Variants in NDUFA10 observed in about 807,000 individuals in gnomAD.
The protein encoded by NDUFA10 is NADH:ubiquinone oxidoreductase subunit A10, also known as NADH dehydrogenase [ubiquinone] 1 alpha subcomplex subunit 10, mitochondrial.
In NDUFA10, 40 loss-of-function variants were observed where a neutral mutation model predicts 47.8. That is an observed-to-expected ratio of 0.84 (90% CI 0.65 to 1.09). The LOEUF is 1.09. NDUFA10 is among the 50% of genes least tolerant of loss of function. The pLI is 0.00. For missense variants in NDUFA10, 413 were observed against 451.1 expected, an observed-to-expected ratio of 0.92 and a Z score of 0.76; for synonymous variants, 183 against 172.2, an observed-to-expected ratio of 1.06 and a Z score of -0.49.
chr2:240,002,531 T>A (rs1343020499), intron 8 of NDUFA10, among the ~76,000 whole-genome samples: 1 of 152,030 alleles, frequency 6.6e-6, no homozygotes, highest in Admixed American at 6.5e-5. Context: ...ATTTGTTTTT[T>A]CCTTCAATAC....
At chr2:239,915,332 A>AG (rs1289947844) in intron 4 of NDUFA10, among the ~76,000 whole-genome samples, 2 of 133,890 alleles carry the variant, frequency 1.5e-5, no homozygotes, top group African/African-American at 2.9e-5. Flanking sequence ...ACACACAGAG[A>AG]ACGAAGACAT....
chr2:240,018,443 T>G, intron 4 of NDUFA10, 110 bp downstream of exon 4: 7 of 1,596,480 alleles, frequency 4.4e-6, no homozygotes, highest in Non-Finnish European at 6.0e-6. Context: ...ATGGCATTTA[T>G]TCATCTATCT....
chr2:239,941,388 C>T lies in NDUFA10; in HGVS notation c.295-46074G>A, dbSNP rs143726853. 1.0e-3 allele frequency among the ~76,000 whole-genome samples: 156 copies of T among 152,234 alleles called. No individual in the cohort carries two copies. The South Asian group carries it at 0.011, about 11-fold the overall frequency. On this transcript the variant is annotated intron_variant, in intron 4 of 5. Coordinates refer to the NDUFA10 transcript ENST00000419408. ...TGAATGCACCGGGGGCACAGAACTG[C>T]GGCTGTTCCACCCTCGGTGTCAGAG...
Position 239,987,769 on chromosome 2 carries a change from G to C in NDUFA10, c.999+2305C>G, listed in dbSNP as rs527293564. ...AGGCAGAGCTGCCGAGCACAGCTCC[G>C]AACAGTCGCAGATGCCTGTGGGACT... On this transcript the variant is annotated intron_variant, in intron 9 of 9. Coordinates refer to ENST00000252711, the MANE Select transcript of NDUFA10 (RefSeq NM_004544.4). This position sits in a 1 kb window ranked among gnomAD's most constrained non-coding sequence, Gnocchi z 4.8. Among the ~76,000 whole-genome samples, 6 of 152,204 alleles carry C rather than the reference G, an allele frequency of 3.9e-5. No individual in the cohort carries two copies. Among genetic ancestry groups the C allele is most frequent in the Non-Finnish European group, 5.9e-5 (4 of 68,042 alleles).
chr2:239,894,334 C>A, intron 5 of NDUFA10, among the ~76,000 whole-genome samples: 1 of 151,600 alleles, frequency 6.6e-6, no homozygotes, highest in Admixed American at 6.6e-5. Flanking sequence ...TGCCTCCTGT[C>A]CTCAGCTGCA....
intron 4 of NDUFA10, among the ~76,000 whole-genome samples, chr2:239,922,442 C>G (rs74002005): frequency 0.13 from 20,093 of 152,260 alleles, 1,369 homozygotes; most frequent in South Asian, 0.15. Flanking sequence ...AGACCATGCC[C>G]TACCTCCACC....
chr2:239,953,108 G>C (rs116710668), downstream of NDUFA10, among the ~76,000 whole-genome samples: 1 of 152,218 alleles, frequency 6.6e-6, no homozygotes, highest in African/African-American at 2.4e-5. Flanking sequence ...TGGGACCTCG[G>C]GTGGCAAAGG....
chr2:240,014,813 G>C lies in NDUFA10; in HGVS notation c.595C>G (p.Leu199Val). The change falls in exon 5 of 10, where the codon CTG becomes GTG. Residue 199 changes from leucine (L) to valine (V), a missense_variant. By Grantham distance (32) the Leu-to-Val change is conservative. Transcript: ENST00000252711. Reference sequence around the variant, plus strand: ...ATGTAAATCACCAGGTGGGGGGGCAGGTAATCGCAGATGGTGACGCTCTTC... The same window carrying C: ...ATGTAAATCACCAGGTGGGGGGGCACGTAATCGCAGATGGTGACGCTCTTC... ...EVKSVTICDYLPPHLVIYIDV... is the reference protein window; with the variant it reads ...EVKSVTICDYVPPHLVIYIDV... The C allele has an allele frequency of 6.2e-7, 1 of 1,614,202 alleles. No homozygotes were observed. Among genetic ancestry groups the C allele is most frequent in the South Asian group, 1.1e-5 (1 of 91,086 alleles).
At chr2:239,977,784 C>T (rs551216685) in intron 9 of NDUFA10, among the ~76,000 whole-genome samples, 40 of 152,368 alleles carry the variant, frequency 2.6e-4, no homozygotes, top group African/African-American at 9.1e-4. Context: ...GAATGAGATG[C>T]TTCAATGACA....
In NDUFA10 at chr2:239,933,987, A is replaced by T. The variant is rs368314703; in HGVS notation, c.295-38673T>A. Among the ~76,000 whole-genome samples the T allele has an allele frequency of 5.3e-5, 8 of 152,136 alleles. No homozygotes were observed. In the South Asian group the frequency reaches 1.2e-3, roughly 24 times the overall value. The stretch of plus-strand genomic sequence containing the variant: ...ATCCTCCTGCCTTTGCCTCTAGAGT[A>T]GCTGGGACTACAGGTGCACACTGCC... On this transcript the variant is annotated intron_variant, in intron 4 of 5. Transcript: ENST00000419408.
intron 8 of NDUFA10, among the ~76,000 whole-genome samples, chr2:240,003,356 C>T (rs1310615576): frequency 1.3e-5 from 2 of 152,190 alleles, no homozygotes; most frequent in African/African-American, 2.4e-5. Flanking sequence ...GCACCAACTT[C>T]CTAATTTACA....
At chr2:239,991,672 C>T (rs1345753246) in intron 8 of NDUFA10, among the ~76,000 whole-genome samples, 1 of 152,154 alleles carries the variant, frequency 6.6e-6, no homozygotes, top group African/African-American at 2.4e-5. Flanking sequence ...CAATAATCTA[C>T]AAGTACGTAT....
chr2:239,953,765 G>A (rs185914082), downstream of NDUFA10, among the ~76,000 whole-genome samples: 1 of 152,374 alleles, frequency 6.6e-6, no homozygotes, highest in Non-Finnish European at 1.5e-5. Context: ...AAAGGCTGGA[G>A]GCTTCAAGGC....
chr2:239,940,624 T>C (rs1263580546), intron 4 of NDUFA10, among the ~76,000 whole-genome samples: 2 of 152,184 alleles, frequency 1.3e-5, no homozygotes, highest in African/African-American at 4.8e-5. Flanking sequence ...CATAGAAATA[T>C]AAAAAGGAAC....
At chr2:239,895,558 C>G (rs1366102746) in intron 4 of NDUFA10, among the ~76,000 whole-genome samples, 3 of 152,180 alleles carry the variant, frequency 2.0e-5, no homozygotes, top group Non-Finnish European at 4.4e-5. Context: ...TCTGTTCTCT[C>G]TAATAATTTA....
In NDUFA10 at chr2:240,011,922, A is replaced by C. The variant is rs142249144; in HGVS notation, c.670-226T>G. The C allele has an allele frequency of 8.5e-4, 480 of 565,292 alleles. 7 individuals carry two copies. In the East Asian group the frequency reaches 0.013, roughly 16 times the overall value. The allele number at this position is 565,292 out of a possible 1,614,324, so 35.0% of individuals were successfully genotyped here. On this transcript the variant is annotated intron_variant, in intron 5 of 9. Transcript: ENST00000252711. ...CCTGCCCAAGTGCTCCCATAGCGTGACTTTCTCCACACATTCTAAGATGTA... is the reference window on the plus strand; with the variant it reads ...CCTGCCCAAGTGCTCCCATAGCGTGCCTTTCTCCACACATTCTAAGATGTA...
intron 7 of NDUFA10, among the ~76,000 whole-genome samples, chr2:240,006,435 C>T (rs1696951014): frequency 6.6e-6 from 1 of 152,148 alleles, no homozygotes; most frequent in African/African-American, 2.4e-5. Context: ...TCTTCTCACC[C>T]TCCCAATGCT....
intron 4 of NDUFA10, among the ~76,000 whole-genome samples, chr2:239,916,334 T>C (rs1284805826): frequency 6.8e-6 from 1 of 146,234 alleles, no homozygotes; most frequent in Non-Finnish European, 1.5e-5. Context: ...CATACACACA[T>C]GCACAGAACA....
chr2:239,935,804 A>T (rs568885377), intron 4 of NDUFA10, among the ~76,000 whole-genome samples: 7 of 152,172 alleles, frequency 4.6e-5, no homozygotes, highest in Admixed American at 6.5e-5. Flanking sequence ...CATGTAAGAC[A>T]TGCCTTTCAC....
Sources: gnomAD v4.1 joint callset for allele counts (sites outside exome capture counted in the v4.1 genomes callset) on GRCh38, gnomAD v4.1.1 for gene constraint, Gnocchi (gnomAD v3.1) non-coding constraint, MANE v1.5 for transcripts, NCBI Gene and HGNC (gene_info 2026-07-23, HGNC 2026-07-21) for gene names.